Variants in KIF1B observed in about 807,000 individuals in gnomAD.
The protein encoded by KIF1B is kinesin family member 1B, also known as kinesin-like protein KIF1B.
A neutral mutation model predicts 241.9 loss-of-function variants in KIF1B; 76 were observed. That is an observed-to-expected ratio of 0.31 (90% CI 0.26 to 0.38). The LOEUF (loss-of-function observed/expected upper bound fraction) is 0.38, where lower values mean the gene tolerates loss of function less well. Ranked by LOEUF, KIF1B falls within the 10% of genes least tolerant of loss-of-function variation. KIF1B has a pLI of 1.00. For synonymous variants in KIF1B, 750 were observed against 796.7 expected, an observed-to-expected ratio of 0.94 and a Z score of 0.99; for missense variants, 1,622 against 2,271.4, an observed-to-expected ratio of 0.71 and a Z score of 5.81.
intron 1 of KIF1B, among the ~76,000 whole-genome samples, chr1:10,214,855 A>G (rs1028025316): frequency 2.0e-5 from 3 of 152,036 alleles, no homozygotes; most frequent in Admixed American, 1.3e-4. Context: ...TGTTGGGATT[A>G]CAGGCATGAG....
chr1:10,354,161 A>C (rs1258850862), intron 38 of KIF1B, among the ~76,000 whole-genome samples: 3 of 152,224 alleles, frequency 2.0e-5, no homozygotes, highest in Admixed American at 2.0e-4. Flanking sequence ...TTATCTTGTG[A>C]GTTAGAATGA....
chr1:10,297,039 A>G lies in KIF1B; in HGVS notation c.2004A>G (p.Glu668=). The change falls in exon 21 of 49, where the codon GAA becomes GAG. Residue 668 remains glutamate (E), a synonymous_variant. Transcript: ENST00000676179. The part of the protein sequence containing the change: ...DWTFAQRELL[E]KQGIDMKQEM... ...CATTTGCCCAGAGGGAGCTTCTGGA[A>G]AAACAAGGAATTGATATGAAACAAG... is the stretch of plus-strand genomic sequence containing the variant. 6.2e-7 allele frequency: 1 copy of G among 1,614,130 alleles called. No individual in the cohort carries two copies. The highest frequency in any genetic ancestry group is 2.2e-5 in the East Asian group (1 of 44,880).
intron 27 of KIF1B, among the ~76,000 whole-genome samples, chr1:10,329,134 T>G (rs1651828123): frequency 6.6e-6 from 1 of 152,232 alleles, no homozygotes; most frequent in African/African-American, 2.4e-5. Context: ...ATAAAATACT[T>G]ATGGAGCTGT....
At position 10,219,190 on chromosome 1, in the gene KIF1B, G is replaced by A. The variant is rs574513657; in HGVS notation, c.-80+8312G>A. ...TATAAAGATACGTACGGCCGGGCGC[G>A]GTGGCTCATGCCTGTAATCCCAGCA... On this transcript the variant is annotated intron_variant, in intron 1 of 48. Transcript: ENST00000676179. Among the ~76,000 whole-genome samples the A allele has an allele frequency of 3.9e-5, 6 of 152,250 alleles. No individual in the cohort carries two copies. In the South Asian group the frequency reaches 6.2e-4, roughly 16 times the overall value.
In KIF1B at chr1:10,374,965, C is replaced by T. The variant is rs749483779; in HGVS notation, c.5208C>T (p.Asp1736=). 1 of 1,614,090 alleles carries T rather than the reference C, an allele frequency of 6.2e-7. No homozygotes were observed. The highest frequency in any genetic ancestry group is 1.1e-5 in the South Asian group (1 of 91,084). ...CTTATGTCTTCATCTATAACAGTGA[C>T]AAAGACCCTGTGGAGCGTGGAATCA... ...RRPYVFIYNS[D]KDPVERGIIN... Residue 1736 remains aspartate, a synonymous_variant, in exon 47 of 49, where the codon GAC becomes GAT. Coordinates refer to ENST00000676179, the MANE Select transcript of KIF1B (RefSeq NM_001365951.3). The surrounding 1 kb of genome is among the most constrained non-coding windows in gnomAD (Gnocchi z 4.3).
chr1:10,264,808 C>T (rs1364814592), intron 5 of KIF1B, among the ~76,000 whole-genome samples: 2 of 151,900 alleles, frequency 1.3e-5, no homozygotes, highest in African/African-American at 4.8e-5. Flanking sequence ...ATTACAGGCT[C>T]CTGCTACCAC....
chr1:10,276,193 AT>A (rs1372494918), intron 11 of KIF1B, 127 bp from the exon 12 acceptor site: 15 of 758,430 alleles, frequency 2.0e-5, no homozygotes, highest in Middle Eastern at 2.4e-4. Context: ...CAAAAAAAAA[AT>A]AAAAGAAAGA....
At chr1:10,278,567 T>A (rs1456646925) in intron 13 of KIF1B, 4 of 210,450 alleles carry the variant, frequency 1.9e-5, no homozygotes, top group Non-Finnish European at 3.9e-5. Flanking sequence ...CAAGCCTACC[T>A]TCAGATAAGA....
chr1:10,348,995 C>T (rs1366516138), intron 37 of KIF1B, among the ~76,000 whole-genome samples: 1 of 152,102 alleles, frequency 6.6e-6, no homozygotes, highest in Non-Finnish European at 1.5e-5. Context: ...AGACCATATT[C>T]GGAAACACAG....
intron 1 of KIF1B, among the ~76,000 whole-genome samples, chr1:10,216,510 ACAT>A (rs1646768488): frequency 6.6e-6 from 1 of 152,108 alleles, no homozygotes; most frequent in East Asian, 1.9e-4. Flanking sequence ...AGCCAGCCTC[ACAT>A]CATCCCTACC....
intron 2 of KIF1B, among the ~76,000 whole-genome samples, chr1:10,238,148 A>G (rs1647082641): frequency 6.6e-6 from 1 of 151,998 alleles, no homozygotes; most frequent in Non-Finnish European, 1.5e-5. Flanking sequence ...TGGGAGGCCA[A>G]GTTGGGTGGG....
At chr1:10,335,026 C>T (rs972514935) in intron 28 of KIF1B, among the ~76,000 whole-genome samples, 1 of 151,678 alleles carries the variant, frequency 6.6e-6, no homozygotes, top group Non-Finnish European at 1.5e-5. Context: ...GCATCCTTCA[C>T]CTCCAGGCTC....
At chr1:10,226,737 C>T (rs774228871) in intron 1 of KIF1B, among the ~76,000 whole-genome samples, 1 of 152,068 alleles carries the variant, frequency 6.6e-6, no homozygotes, top group Non-Finnish European at 1.5e-5. Context: ...AAGGCTGAGG[C>T]TGGAAGATTA....
intron 1 of KIF1B, among the ~76,000 whole-genome samples, chr1:10,226,748 C>T (rs1183838954): frequency 6.6e-6 from 1 of 152,140 alleles, no homozygotes; most frequent in Non-Finnish European, 1.5e-5. Flanking sequence ...TGGAAGATTA[C>T]ATGAGTCCAG....
At position 10,260,477 on chromosome 1, in the gene KIF1B, A is replaced by G. The variant is rs72865935; in HGVS notation, c.364-1428A>G. Among the ~76,000 whole-genome samples the G allele has an allele frequency of 3.3e-3, 497 of 152,320 alleles. 4 individuals are homozygous for G. Among genetic ancestry groups the G allele is most frequent in the African/African-American group, 0.012 (482 of 41,564 alleles). Reference sequence around the variant, plus strand: ...TAGTTTTAAAAACAGTTTCCTTTCAATAATTAACCTTAGTTAAATTACTAT... The same window carrying G: ...TAGTTTTAAAAACAGTTTCCTTTCAGTAATTAACCTTAGTTAAATTACTAT... On this transcript the variant is annotated intron_variant, in intron 4 of 48. Transcript: ENST00000676179.
At chr1:10,212,323 G>C (rs905526860) in intron 1 of KIF1B, among the ~76,000 whole-genome samples, 1 of 152,178 alleles carries the variant, frequency 6.6e-6, no homozygotes, top group African/African-American at 2.4e-5. Context: ...AGTTGATATG[G>C]TTGCTGGATT....
chr1:10,325,352 AT>A lies in KIF1B; in HGVS notation c.2675+467del, dbSNP rs535523799. Among the ~76,000 whole-genome samples the A allele has an allele frequency of 6.5e-4, 97 of 148,368 alleles. No individual in the cohort carries two copies. The Middle Eastern group carries it at 0.038, about 58-fold the overall frequency. On this transcript the variant is annotated intron_variant, in intron 26 of 48. Transcript: ENST00000676179. ...CACCTTGGTAGTCCCCTTCAGCCTC[AT>A]TTTTTTTTTATACATTATTTCCAGC...
rs1638951329 is a variant in KIF1B, at chr1:10,378,746, T to C, written c.*2159T>C. Reference sequence around the variant, plus strand: ...TGGGCTCATCTCTGAAGAACAGGTCTCCCAGCTTCGCTCCTTATCACTGCA... The same window carrying C: ...TGGGCTCATCTCTGAAGAACAGGTCCCCCAGCTTCGCTCCTTATCACTGCA... On this transcript the variant is annotated 3_prime_UTR_variant, in exon 49 of 49. Transcript: ENST00000676179. The C allele has an allele frequency of 3.0e-6, 1 of 338,132 alleles. No homozygotes were observed. Among genetic ancestry groups the C allele is most frequent in the African/African-American group, 2.1e-5 (1 of 48,632 alleles). 20.9% of individuals were successfully genotyped at this position (338,132 alleles called of 1,614,324 possible).
chr1:10,287,145 A>G (rs1424063886), intron 15 of KIF1B, among the ~76,000 whole-genome samples: 2 of 152,208 alleles, frequency 1.3e-5, no homozygotes, highest in East Asian at 3.8e-4. Flanking sequence ...TTGAAAGCCT[A>G]TTGATCCTGT....
Sources: allele counts gnomAD v4.1 joint callset (sites outside exome capture counted in the v4.1 genomes callset), GRCh38; gene constraint gnomAD v4.1.1; non-coding constraint Gnocchi (gnomAD v3.1); transcripts MANE v1.5; gene names NCBI Gene and HGNC (gene_info 2026-07-23, HGNC 2026-07-21).